COBL: variants seen among roughly 807,000 people sequenced by gnomAD.
COBL encodes protein cordon-bleu.
COBL carries 51 observed loss-of-function variants against 98.8 expected under a neutral mutation model. The ratio of observed to expected loss-of-function variants is 0.52; its 90% CI spans 0.41 to 0.65. COBL has a LOEUF of 0.65. Among genes scored for constraint, COBL ranks in the 30% least tolerant of loss-of-function variants. The probability of loss-of-function intolerance (pLI) is 0.00; values close to 1 mark genes in which losing one functional copy is unlikely to be tolerated. For missense variants in COBL, 1,617 were observed against 1,617.5 expected (o/e 1.00, Z 0.01); for synonymous variants, 634 against 651.7 (o/e 0.97, Z 0.41).
intron 2 of COBL, among the ~76,000 whole-genome samples, chr7:51,206,491 C>CCAAAAAAA (rs1791725223): frequency 2.0e-5 from 2 of 101,276 alleles, no homozygotes; most frequent in Admixed American, 1.1e-4. Flanking sequence ...GACTCTGTCT[C>CCAAAAAAA]AAAAAAAAAA....
chr7:51,314,331 T>C (rs1803333409), intron 1 of COBL, among the ~76,000 whole-genome samples: 2 of 152,322 alleles, frequency 1.3e-5, no homozygotes, highest in South Asian at 4.1e-4. Flanking sequence ...AGTTTGATTT[T>C]ATAATAAACG....
chr7:51,133,584 A>G (rs1390220983), intron 6 of COBL, among the ~76,000 whole-genome samples: 1 of 152,140 alleles, frequency 6.6e-6, no homozygotes, highest in African/African-American at 2.4e-5. Context: ...CCTTTGGGTG[A>G]TCTGATGCCC....
intron 4 of COBL, 124 bp downstream of exon 4, chr7:51,190,726 G>T (rs1475827572): frequency 1.4e-6 from 1 of 738,760 alleles, no homozygotes. Flanking sequence ...GACTTGCCTG[G>T]AACTTCATGT....
At chr7:51,245,169 C>G (rs1796181951) in intron 1 of COBL, among the ~76,000 whole-genome samples, 1 of 152,154 alleles carries the variant, frequency 6.6e-6, no homozygotes, top group Non-Finnish European at 1.5e-5. Flanking sequence ...ATGACCTTCC[C>G]TGCCTCCCAC....
At chr7:51,057,585 T>C (rs1790892111) in intron 7 of COBL, among the ~76,000 whole-genome samples, 1 of 152,144 alleles carries the variant, frequency 6.6e-6, no homozygotes, top group African/African-American at 2.4e-5. Flanking sequence ...GGGCCCATCA[T>C]TTTGGGAAAC....
chr7:51,083,239 T>A (rs1399601464), intron 7 of COBL: 21 of 1,443,554 alleles, frequency 1.5e-5, no homozygotes, highest in Non-Finnish European at 1.8e-5. Flanking sequence ...CTATATGGAA[T>A]CAACAGGGAG....
intron 6 of COBL, among the ~76,000 whole-genome samples, chr7:51,101,942 A>G (rs1193232453): frequency 6.6e-6 from 1 of 152,084 alleles, no homozygotes; most frequent in Non-Finnish European, 1.5e-5. Context: ...AGCCTTTGGG[A>G]AGTGGTAAGT....
chr7:51,176,227 A>G (rs1788372750), intron 5 of COBL, among the ~76,000 whole-genome samples: 1 of 152,124 alleles, frequency 6.6e-6, no homozygotes, highest in African/African-American at 2.4e-5. Flanking sequence ...AGTTTTGGTG[A>G]GTCACTTGGA....
At chr7:51,060,328 TA>T (rs1268561222) in intron 7 of COBL, among the ~76,000 whole-genome samples, 1 of 152,230 alleles carries the variant, frequency 6.6e-6, no homozygotes, top group African/African-American at 2.4e-5. Flanking sequence ...TAGCTTGACT[TA>T]CAGTAGGCCT....
intron 2 of COBL, among the ~76,000 whole-genome samples, chr7:51,207,125 C>T (rs935219361): frequency 6.6e-6 from 1 of 152,102 alleles, no homozygotes; most frequent in Admixed American, 6.5e-5. Context: ...AAGTTATACA[C>T]CTTCAGTATA....
intron 2 of COBL, among the ~76,000 whole-genome samples, chr7:51,199,073 T>A (rs759009090): frequency 6.6e-6 from 1 of 152,156 alleles, no homozygotes; most frequent in Non-Finnish European, 1.5e-5. Context: ...AGAGGGGCCA[T>A]ACCCAACCTA....
At position 51,206,487 on chromosome 7, in the gene COBL, G is replaced by A. The variant is rs192736799; in HGVS notation, c.246-12898C>T. On this transcript the variant is annotated intron_variant, in intron 2 of 12. Transcript: ENST00000265136. The stretch of plus-strand genomic sequence containing the variant: ...AGCCTGGTTGACAGAGCGAGACTCT[G>A]TCTCAAAAAAAAAAAAAAAGAAAGA... Among the ~76,000 whole-genome samples, 320 of 114,738 alleles carry A rather than the reference G, an allele frequency of 2.8e-3. 2 individuals are homozygous for A. The highest frequency in any genetic ancestry group is 4.9e-3 in the Middle Eastern group (1 of 206). 75.3% of individuals were successfully genotyped at this position (114,738 alleles called of 152,430 possible).
At position 51,191,095 on chromosome 7, in the gene COBL, G is replaced by C. The variant is rs1293305661; in HGVS notation, c.457-17C>G. On this transcript the variant is annotated splice_polypyrimidine_tract_variant and intron_variant, in intron 3 of 12. Transcript: ENST00000265136. ...CACAGATTTCTGGAAGAACACACAG[G>C]CAAAAAGAATTCAGTAAGATATCCT... The C allele has an allele frequency of 1.9e-6, 3 of 1,607,930 alleles. No homozygotes were observed. In the East Asian group the frequency reaches 6.7e-5, roughly 36 times the overall value.
intron 1 of COBL, chr7:51,259,895 C>T (rs190439504): frequency 5.7e-5 from 43 of 756,554 alleles, no homozygotes; most frequent in Middle Eastern, 2.3e-4. Flanking sequence ...CCTTTCAATG[C>T]GTACAATAAA....
At chr7:51,208,267 C>T (rs1397795243) in intron 2 of COBL, among the ~76,000 whole-genome samples, 6 of 148,770 alleles carry the variant, frequency 4.0e-5, no homozygotes, top group East Asian at 2.1e-4. Context: ...GGAGCCCCTC[C>T]GCCCGGCAGC....
intron 9 of COBL, among the ~76,000 whole-genome samples, chr7:51,029,828 A>G (rs1041905904): frequency 6.6e-6 from 1 of 152,240 alleles, no homozygotes; most frequent in Non-Finnish European, 1.5e-5. Context: ...ATTCAGTTAC[A>G]ATGTGCTGCC....
rs549297423 is a variant in COBL at position 51,211,846 on chromosome 7, C to T, written c.245+7895G>A. 7.5e-4 allele frequency among the ~76,000 whole-genome samples: 114 copies of T among 152,290 alleles called. 1 individual carries two copies. The South Asian group carries it at 0.023, about 31-fold the overall frequency. On this transcript the variant is annotated intron_variant, in intron 2 of 12. Transcript: ENST00000265136. ...TCGCCATTTTCATTGACTACACAGA[C>T]ATCAAGAAAAATCTCATCTCTCTCC...
intron 2 of COBL, among the ~76,000 whole-genome samples, chr7:51,211,804 G>C (rs1334688224): frequency 1.3e-5 from 2 of 152,162 alleles, no homozygotes; most frequent in Admixed American, 1.3e-4. Flanking sequence ...CCTGGCCTCA[G>C]GGATGATCCC....
chr7:51,022,545 TC>T (rs1246833053), intron 12 of COBL: 6 of 152,148 alleles, frequency 3.9e-5, no homozygotes, highest in African/African-American at 1.4e-4. Flanking sequence ...CAGCACAACT[TC>T]CTCTGTTCTT....
Sources: gnomAD v4.1 joint callset for allele counts (sites outside exome capture counted in the v4.1 genomes callset) on GRCh38, gnomAD v4.1.1 for gene constraint, MANE v1.5 for transcripts, NCBI Gene and HGNC (gene_info 2026-07-23, HGNC 2026-07-21) for gene names.